IQSEC1: variants seen among roughly 807,000 people sequenced by gnomAD.
The protein encoded by IQSEC1 is IQ motif and SEC7 domain-containing protein 1.
A neutral mutation model predicts 91.0 loss-of-function variants in IQSEC1; 31 were observed. The ratio of observed to expected loss-of-function variants is 0.34; its 90% confidence interval spans 0.26 to 0.46. The LOEUF (loss-of-function observed/expected upper bound fraction) is 0.46, where lower values mean the gene tolerates loss of function less well. Ranked by LOEUF, IQSEC1 falls within the 20% of genes least tolerant of loss-of-function variation. The pLI, the probability that IQSEC1 is intolerant of heterozygous loss-of-function variation, is 1.00. For missense variants in IQSEC1, 1,388 were observed against 1,575.6 expected, an observed-to-expected ratio of 0.88 and a Z score of 2.02; for synonymous variants, 699 against 662.6, an observed-to-expected ratio of 1.05 and a Z score of -0.84.
intron 2 of IQSEC1, among the ~76,000 whole-genome samples, chr3:13,134,517 T>C (rs1258336803): frequency 1.3e-5 from 2 of 152,244 alleles, no homozygotes; most frequent in African/African-American, 4.8e-5. Flanking sequence ...ATGATGTGCT[T>C]TAGCCACTTT....
At chr3:13,133,709 A>T (rs1477012285) in intron 2 of IQSEC1, among the ~76,000 whole-genome samples, 1 of 152,238 alleles carries the variant, frequency 6.6e-6, no homozygotes, top group African/African-American at 2.4e-5. Context: ...TTCTAAATAC[A>T]ACAGACAACT....
intron 1 of IQSEC1, among the ~76,000 whole-genome samples, chr3:13,204,132 C>T (rs1694296778): frequency 6.6e-6 from 1 of 152,258 alleles, no homozygotes. Context: ...TAACTCTCCA[C>T]CGGGCAGGGA....
At chr3:13,234,828 T>C (rs1005111780) in intron 1 of IQSEC1, among the ~76,000 whole-genome samples, 1 of 152,254 alleles carries the variant, frequency 6.6e-6, no homozygotes, top group African/African-American at 2.4e-5. Flanking sequence ...TATGCTACTA[T>C]TGAGGTCCCT....
In IQSEC1 at chr3:12,940,903, C is replaced by T. The variant is rs1698688011; in HGVS notation, c.318+668G>A. On this transcript the variant is annotated intron_variant, in intron 2 of 13. Coordinates refer to ENST00000613206, the MANE Select transcript of IQSEC1 (RefSeq NM_001134382.3). The surrounding 1 kb of genome is among the most constrained non-coding windows in gnomAD (Gnocchi z 4.4). ...TTCCTCTGCACCCCAGGATTCTCCT[C>T]TCCTGGCTCAACCCTGAGAGGCTAC... 6.6e-6 allele frequency among the ~76,000 whole-genome samples: 1 copy of T among 152,228 alleles called. No homozygotes were observed. The highest frequency in any genetic ancestry group is 2.1e-4 in the South Asian group (1 of 4,830).
chr3:12,941,706 T>C lies in IQSEC1; in HGVS notation c.183A>G (p.Gln61=). Residue 61 remains glutamine (Q), a synonymous_variant, in exon 2 of 14, where the codon CAA becomes CAG. Transcript: ENST00000613206. ...GCTTGGGCCTCCGCGTGCGCTGCTGTTGCCCCGGCGGCCCCGAGTACAGCC... is the reference window on the plus strand; with the variant it reads ...GCTTGGGCCTCCGCGTGCGCTGCTGCTGCCCCGGCGGCCCCGAGTACAGCC... ...AYGLYSGPPG[Q]QQRTRRPKLQ... 3.1e-6 allele frequency: 5 copies of C among 1,612,734 alleles called. No homozygotes were observed. The highest frequency in any genetic ancestry group is 4.2e-6 in the Non-Finnish European group (5 of 1,179,968).
At chr3:12,937,832 A>T (rs6767225) in intron 2 of IQSEC1, among the ~76,000 whole-genome samples, 2,200 of 152,298 alleles carry the variant, frequency 0.014, 59 homozygotes, top group African/African-American at 0.05. Context: ...GACTCAACAC[A>T]TACTCAAGAG....
At chr3:13,031,905 C>CT (rs1703855374) in intron 1 of IQSEC1, among the ~76,000 whole-genome samples, 1 of 152,018 alleles carries the variant, frequency 6.6e-6, no homozygotes, top group African/African-American at 2.4e-5. Context: ...CTTCATGAGC[C>CT]CCTGCAGCCA....
intron 1 of IQSEC1, among the ~76,000 whole-genome samples, chr3:13,058,019 T>C (rs1360357526): frequency 3.3e-5 from 5 of 152,162 alleles, no homozygotes; most frequent in Non-Finnish European, 2.9e-5. Flanking sequence ...ACACCTATAA[T>C]CCCCATACTT....
chr3:13,078,867 C>T (rs1186553286), intron 2 of IQSEC1, among the ~76,000 whole-genome samples: 5 of 152,210 alleles, frequency 3.3e-5, no homozygotes, highest in African/African-American at 4.8e-5. Context: ...CCCTTCTGCC[C>T]CTACTTCTCA....
chr3:13,201,133 CA>C (rs1434987220), intron 1 of IQSEC1, among the ~76,000 whole-genome samples: 1 of 152,186 alleles, frequency 6.6e-6, no homozygotes, highest in Non-Finnish European at 1.5e-5. Context: ...CCATCTGCAG[CA>C]GGGGGAGCTG....
chr3:13,042,525 C>T (rs1576206282), intron 1 of IQSEC1: 4 of 152,498 alleles, frequency 2.6e-5, no homozygotes, highest in Admixed American at 6.5e-5. Context: ...TTGTACAGTA[C>T]ACGCCTCCAA....
At chr3:12,910,027 C>T (rs533437623) in intron 10 of IQSEC1, among the ~76,000 whole-genome samples, 1 of 152,340 alleles carries the variant, frequency 6.6e-6, no homozygotes, top group Admixed American at 6.5e-5. Flanking sequence ...CTGTGGGCAG[C>T]TGCAGAGTGC....
intron 1 of IQSEC1, among the ~76,000 whole-genome samples, chr3:13,038,831 T>C (rs1704143974): frequency 6.6e-6 from 1 of 152,192 alleles, no homozygotes; most frequent in Admixed American, 6.5e-5. Context: ...AAGTGTGTAT[T>C]TCACATTGCG....
chr3:12,901,946 G>A (rs1694362378), intron 13 of IQSEC1, among the ~76,000 whole-genome samples: 1 of 152,010 alleles, frequency 6.6e-6, no homozygotes, highest in Non-Finnish European at 1.5e-5. Flanking sequence ...TGAAAACAGG[G>A]CCCTCAGCTC....
chr3:13,260,453 T>A (rs1393273830), intron 1 of IQSEC1, among the ~76,000 whole-genome samples: 1 of 152,184 alleles, frequency 6.6e-6, no homozygotes, highest in Admixed American at 6.5e-5. Flanking sequence ...ATACTCTCAT[T>A]TCTGTCCAGT....
chr3:13,159,781 G>A (rs933639838), intron 2 of IQSEC1, among the ~76,000 whole-genome samples: 3 of 152,228 alleles, frequency 2.0e-5, no homozygotes, highest in South Asian at 2.1e-4. Flanking sequence ...AGGATTTGAC[G>A]GAGTGCTGGG....
chr3:13,165,787 G>A (rs930091201), intron 1 of IQSEC1, among the ~76,000 whole-genome samples: 3 of 151,912 alleles, frequency 2.0e-5, no homozygotes, highest in Non-Finnish European at 2.9e-5. Context: ...TCACATGAGC[G>A]GCCCAGAGGC....
At chr3:12,938,689 T>G (rs1698463609) in intron 2 of IQSEC1, among the ~76,000 whole-genome samples, 1 of 152,048 alleles carries the variant, frequency 6.6e-6, no homozygotes, top group Admixed American at 6.6e-5. Flanking sequence ...CTTCCCTCAC[T>G]GTACTTTGTG....
rs117346782 is a variant in IQSEC1 at position 12,942,865 on chromosome 3, C to T, written c.24-1000G>A. The stretch of plus-strand genomic sequence containing the variant: ...GGACGCGCACAGAGGGAGCAGCATG[C>T]GAGGACCCGAGGAGGAGAAGACCAC... On this transcript the variant is annotated intron_variant, in intron 1 of 13. Transcript: ENST00000613206. Among the ~76,000 whole-genome samples the T allele has an allele frequency of 1.8e-3, 276 of 152,268 alleles. 8 individuals are homozygous for T. In the East Asian group the frequency reaches 0.05, roughly 28 times the overall value.
Sources: gnomAD v4.1 joint callset for allele counts (sites outside exome capture counted in the v4.1 genomes callset) on GRCh38, gnomAD v4.1.1 for gene constraint, Gnocchi (gnomAD v3.1) non-coding constraint, MANE v1.5 for transcripts, NCBI Gene and HGNC (gene_info 2026-07-23, HGNC 2026-07-21) for gene names.